The following ADGRL2 variants were observed in gnomAD, a reference collection of about 807,000 sequenced individuals.
ADGRL2 encodes calcium-independent alpha-latrotoxin receptor 2.
ADGRL2 carries 44 observed loss-of-function variants against 157.4 expected under a neutral mutation model. That is an observed-to-expected ratio of 0.28 (90% CI 0.22 to 0.36). The LOEUF is 0.36. ADGRL2 is among the 10% of genes least tolerant of loss of function. The pLI, the probability that ADGRL2 is intolerant of heterozygous loss-of-function variation, is 1.00. For missense variants in ADGRL2, 1,510 were observed against 1,768.9 expected, an observed-to-expected ratio of 0.85 and a Z score of 2.63; for synonymous variants, 585 against 624.7, an observed-to-expected ratio of 0.94 and a Z score of 0.95.
At chr1:81,966,214 T>C (rs1656997198) in intron 12 of ADGRL2, 31 bp downstream of exon 12, 5 of 1,612,994 alleles carry the variant, frequency 3.1e-6, no homozygotes, top group South Asian at 1.1e-5. Flanking sequence ...AAATTGACAG[T>C]TTTTGTTGTT....
chr1:81,560,928 T>A (rs1284112444), intron 2 of ADGRL2, among the ~76,000 whole-genome samples: 3 of 152,136 alleles, frequency 2.0e-5, no homozygotes, highest in Non-Finnish European at 4.4e-5. Flanking sequence ...TTCTTGCTGT[T>A]CCTTGAATGC....
chr1:81,948,208 T>TC (rs1429953326), intron 6 of ADGRL2, among the ~76,000 whole-genome samples: 1 of 135,626 alleles, frequency 7.4e-6, no homozygotes. Flanking sequence ...AGAGCAAGAC[T>TC]CCATCTCAAA....
chr1:81,313,128 T>A (rs1488798802), intron 1 of ADGRL2, among the ~76,000 whole-genome samples: 1 of 152,184 alleles, frequency 6.6e-6, no homozygotes, highest in Admixed American at 6.5e-5. Context: ...CAAAATCAAA[T>A]TTATAGTACC....
At chr1:81,658,247 C>T (rs1020361657) in intron 3 of ADGRL2, among the ~76,000 whole-genome samples, 5 of 152,044 alleles carry the variant, frequency 3.3e-5, no homozygotes, top group Non-Finnish European at 2.9e-5. Context: ...AGGCACGTGC[C>T]ACCGCGCTCA....
At chr1:81,387,949 A>G (rs1004495220) in intron 1 of ADGRL2, among the ~76,000 whole-genome samples, 2 of 151,746 alleles carry the variant, frequency 1.3e-5, no homozygotes, top group African/African-American at 2.4e-5. Flanking sequence ...TTAGTTCTCA[A>G]TGCTTTTTCT....
chr1:81,963,177 T>TA (rs398102951), intron 11 of ADGRL2, among the ~76,000 whole-genome samples: 1 of 151,320 alleles, frequency 6.6e-6, no homozygotes, highest in Non-Finnish European at 1.5e-5. Flanking sequence ...TTCTTTTTTT[T>TA]ATTATAAATA....
At chr1:81,655,504 C>T (rs1432979099) in intron 3 of ADGRL2, among the ~76,000 whole-genome samples, 2 of 152,172 alleles carry the variant, frequency 1.3e-5, no homozygotes, top group African/African-American at 4.8e-5. Context: ...ATCTCTCCTA[C>T]TTTCTACACG....
At chr1:81,503,337 C>G in intron 2 of ADGRL2, 1 of 1,614,124 alleles carries the variant, frequency 6.2e-7, no homozygotes, top group East Asian at 2.2e-5. Context: ...CTGTGGTCCA[C>G]CTCATCACGG....
intron 2 of ADGRL2, among the ~76,000 whole-genome samples, chr1:81,528,831 A>T (rs2079534646): frequency 6.6e-6 from 1 of 152,182 alleles, no homozygotes; most frequent in Non-Finnish European, 1.5e-5. Context: ...TTATGGATAA[A>T]ATAGAATTTT....
intron 2 of ADGRL2, among the ~76,000 whole-genome samples, chr1:81,851,629 T>C (rs1485435276): frequency 6.6e-6 from 1 of 151,910 alleles, no homozygotes; most frequent in African/African-American, 2.4e-5. Flanking sequence ...GACTTTTGGC[T>C]CTTTTTCTTA....
chr1:81,959,768 C>A (rs187123718), intron 11 of ADGRL2, among the ~76,000 whole-genome samples: 181 of 151,870 alleles, frequency 1.2e-3, no homozygotes, highest in Non-Finnish European at 2.2e-3. Context: ...GGATACAAGT[C>A]CAAGTAATAA....
chr1:81,687,617 G>C (rs1016488031), intron 3 of ADGRL2, among the ~76,000 whole-genome samples: 3 of 152,168 alleles, frequency 2.0e-5, no homozygotes, highest in South Asian at 4.1e-4. Flanking sequence ...TTCAAGTGGA[G>C]CATTTAGGCC....
At chr1:81,813,846 G>A (rs756166170) in intron 1 of ADGRL2, among the ~76,000 whole-genome samples, 1 of 151,490 alleles carries the variant, frequency 6.6e-6, no homozygotes, top group African/African-American at 2.4e-5. Context: ...GTGAGGTAAG[G>A]GTTACTGGAG....
intron 2 of ADGRL2, among the ~76,000 whole-genome samples, chr1:81,767,063 A>G (rs991670079): frequency 1.3e-5 from 2 of 152,238 alleles, no homozygotes; most frequent in Middle Eastern, 3.4e-3. Flanking sequence ...CCTGAAATAT[A>G]TAATTGTTGT....
At chr1:81,525,250 T>C (rs549729582) in intron 2 of ADGRL2, among the ~76,000 whole-genome samples, 9 of 151,888 alleles carry the variant, frequency 5.9e-5, no homozygotes, top group South Asian at 4.2e-4. Context: ...TAAATACAAA[T>C]TAGAGAGTAC....
At chr1:81,826,822 C>G (rs926306181) in intron 1 of ADGRL2, among the ~76,000 whole-genome samples, 1 of 152,040 alleles carries the variant, frequency 6.6e-6, no homozygotes, top group Non-Finnish European at 1.5e-5. Context: ...AGTCAAACAC[C>G]TAGATTATTA....
chr1:81,676,284 C>G (rs967338865), intron 3 of ADGRL2, among the ~76,000 whole-genome samples: 1 of 152,118 alleles, frequency 6.6e-6, no homozygotes, highest in African/African-American at 2.4e-5. Flanking sequence ...GCTGGGCTTA[C>G]AGGTGAGAGC....
rs1428428826 is a variant in ADGRL2, at chr1:81,992,438, T to C, written c.*1293T>C. ...TTTTTCAAGTAGTTAACATGTGAAC[T>C]TTTATGTATGATACATAATTGGCTT... On this transcript the variant is annotated 3_prime_UTR_variant, in exon 24 of 24. Coordinates refer to ENST00000686636, the MANE Select transcript of ADGRL2 (RefSeq NM_001366006.2). 6.6e-6 allele frequency: 1 copy of C among 152,638 alleles called. No homozygotes were observed. Among genetic ancestry groups the C allele is most frequent in the East Asian group, 1.9e-4 (1 of 5,190 alleles). 9.5% of individuals were successfully genotyped at this position (152,638 alleles called of 1,614,324 possible). A position where few individuals can be genotyped will look rare whatever the true frequency, so the allele number is the denominator to read the frequency against.
In ADGRL2 at chr1:81,603,074, T is replaced by C. The variant is rs186842605; in HGVS notation, c.-143+22094T>C. On this transcript the variant is annotated intron_variant, in intron 3 of 24. Coordinates refer to the ADGRL2 transcript ENST00000370721. ...TCAAAGACTAGATCACTCTCTCTTT[T>C]CTCTCTCTTTTTTTCTCCCTCTCTC... is the stretch of plus-strand genomic sequence containing the variant. 3.7e-3 allele frequency among the ~76,000 whole-genome samples: 559 copies of C among 152,188 alleles called. 4 individuals carry two copies. Among genetic ancestry groups the C allele is most frequent in the African/African-American group, 0.011 (473 of 41,534 alleles).
Sources: gnomAD v4.1 joint callset for allele counts (sites outside exome capture counted in the v4.1 genomes callset) on GRCh38, gnomAD v4.1.1 for gene constraint, MANE v1.5 for transcripts, NCBI Gene and HGNC (gene_info 2026-07-23, HGNC 2026-07-21) for gene names.